The following MYCT1 variants were observed in gnomAD, a reference collection of about 807,000 sequenced individuals.
The protein encoded by MYCT1 is myc target protein 1.
A neutral mutation model predicts 15.0 loss-of-function variants in MYCT1; 12 were observed. The observed-to-expected ratio is 0.80, with a 90% confidence interval of 0.51 to 1.29. MYCT1 has a LOEUF of 1.29. Among genes scored for constraint, MYCT1 ranks in the 50% most tolerant of loss-of-function variants. The pLI is 0.00. For missense variants in MYCT1, 287 were observed against 279.1 expected (o/e 1.03, Z -0.20); for synonymous variants, 104 against 102.7 (o/e 1.01, Z -0.07).
intron 1 of MYCT1, among the ~76,000 whole-genome samples, chr6:152,718,755 G>A (rs960777427): frequency 3.3e-5 from 5 of 151,938 alleles, no homozygotes; most frequent in African/African-American, 1.2e-4. Context: ...CTTTCATTGA[G>A]TAACTGAATA....
At chr6:152,701,265 G>A (rs1053157918) in intron 1 of MYCT1, among the ~76,000 whole-genome samples, 4 of 152,244 alleles carry the variant, frequency 2.6e-5, no homozygotes, top group Middle Eastern at 3.4e-3. Flanking sequence ...AATGTGTTAG[G>A]AGTCAGTGAC....
At chr6:152,742,018 G>T in the MYCT1 span, among the ~76,000 whole-genome samples, 1 of 152,176 alleles carries the variant, frequency 6.6e-6, no homozygotes. Flanking sequence ...ACCAAATAGA[G>T]TTGAAATAAG....
rs190206255 is a variant in MYCT1 at position 152,700,591 on chromosome 6, G to T, written c.196+2493G>T. Among the ~76,000 whole-genome samples the T allele has an allele frequency of 7.7e-3, 1,165 of 152,250 alleles. 21 individuals are homozygous for T. Among genetic ancestry groups the T allele is most frequent in the Non-Finnish European group, 7.4e-3 (503 of 68,016 alleles). On this transcript the variant is annotated intron_variant, in intron 1 of 1. Transcript: ENST00000367245. ...TTGGCAACAAAGTTAGCCTGAAAGT[G>T]ACAACACAGATGCAGACTATCACCT...
the MYCT1 span, among the ~76,000 whole-genome samples, chr6:152,735,987 A>C: frequency 1.3e-5 from 2 of 152,068 alleles, no homozygotes; most frequent in African/African-American, 4.8e-5. Flanking sequence ...GGGGTTCTAA[A>C]CAAGATAACA....
At chr6:152,739,216 T>C in the MYCT1 span, among the ~76,000 whole-genome samples, 1 of 151,826 alleles carries the variant, frequency 6.6e-6, no homozygotes, top group Admixed American at 6.6e-5. Flanking sequence ...TTATTTTATA[T>C]TGATTGGAGA....
chr6:152,731,150 C>T, the MYCT1 span, among the ~76,000 whole-genome samples: 1 of 151,786 alleles, frequency 6.6e-6, no homozygotes, highest in African/African-American at 2.4e-5. Context: ...TAAATCTTGC[C>T]TAAAGTGAAG....
At chr6:152,706,847 A>ATGTGTGTGTGTGTG (rs4034690) in intron 1 of MYCT1, among the ~76,000 whole-genome samples, 2,630 of 148,270 alleles carry the variant, frequency 0.018, 60 homozygotes, top group African/African-American at 0.055. Context: ...GAAACCATAT[A>ATGTGTGTGTGTGTG]TGTGTGTGTG....
At chr6:152,721,702 A>T (rs2099724726) in intron 1 of MYCT1, 40 bp from the exon 2 acceptor site, 2 of 1,570,236 alleles carry the variant, frequency 1.3e-6, no homozygotes, top group Non-Finnish European at 1.7e-6. Context: ...TTGAAAACCT[A>T]TTTAAAAATT....
chr6:152,728,935 G>T (rs187337485), downstream of MYCT1, among the ~76,000 whole-genome samples: 88 of 152,152 alleles, frequency 5.8e-4, no homozygotes, highest in South Asian at 1.5e-3. Flanking sequence ...TAATTAAAAA[G>T]AATTCACAAA....
chr6:152,732,386 T>C, the MYCT1 span, among the ~76,000 whole-genome samples: 1 of 152,170 alleles, frequency 6.6e-6, no homozygotes, highest in African/African-American at 2.4e-5. Context: ...ATGATGAGAG[T>C]TGAATTTTCA....
At chr6:152,736,687 CA>C in the MYCT1 span, among the ~76,000 whole-genome samples, 2 of 152,054 alleles carry the variant, frequency 1.3e-5, no homozygotes, top group African/African-American at 4.8e-5. Context: ...ATTATTAATA[CA>C]CTTTTTTTTA....
At chr6:152,725,032 A>G (rs1347704069), downstream of MYCT1, among the ~76,000 whole-genome samples, 2 of 152,058 alleles carry the variant, frequency 1.3e-5, no homozygotes, top group Admixed American at 6.5e-5. Context: ...ATAAATGTTT[A>G]GCAAATCTAT....
At chr6:152,707,084 C>T (rs904470606) in intron 1 of MYCT1, among the ~76,000 whole-genome samples, 10 of 152,046 alleles carry the variant, frequency 6.6e-5, no homozygotes, top group Admixed American at 2.6e-4. Flanking sequence ...AACCTTCATA[C>T]TATTTTCCAC....
chr6:152,736,820 A>G, the MYCT1 span, among the ~76,000 whole-genome samples: 1 of 152,170 alleles, frequency 6.6e-6, no homozygotes, highest in Non-Finnish European at 1.5e-5. Context: ...TGTAAGAATC[A>G]GTCAACAAGG....
the MYCT1 span, among the ~76,000 whole-genome samples, chr6:152,737,002 G>A: frequency 6.6e-6 from 1 of 152,034 alleles, no homozygotes; most frequent in Non-Finnish European, 1.5e-5. Context: ...AAAACTTTGA[G>A]TTTTTATCAT....
the MYCT1 span, among the ~76,000 whole-genome samples, chr6:152,729,850 G>A: frequency 6.6e-6 from 1 of 152,186 alleles, no homozygotes; most frequent in Non-Finnish European, 1.5e-5. Flanking sequence ...TGGCAGACTT[G>A]GGTAGATCCA....
At chr6:152,741,854 A>T in the MYCT1 span, among the ~76,000 whole-genome samples, 2 of 152,196 alleles carry the variant, frequency 1.3e-5, no homozygotes, top group Non-Finnish European at 2.9e-5. Context: ...CATGGCTGAG[A>T]AATCTTTCAA....
intron 1 of MYCT1, among the ~76,000 whole-genome samples, chr6:152,702,605 A>T (rs1422310255): frequency 6.6e-6 from 1 of 152,148 alleles, no homozygotes; most frequent in African/African-American, 2.4e-5. Flanking sequence ...TATGGCCCTT[A>T]GGGACCACCC....
the MYCT1 span, among the ~76,000 whole-genome samples, chr6:152,746,702 T>C: frequency 6.6e-6 from 1 of 152,232 alleles, no homozygotes; most frequent in Non-Finnish European, 1.5e-5. Flanking sequence ...CTGTGATTTC[T>C]CTATACCCTT....
Sources: allele counts gnomAD v4.1 joint callset (sites outside exome capture counted in the v4.1 genomes callset), GRCh38; gene constraint gnomAD v4.1.1; transcripts MANE v1.5; gene names NCBI Gene and HGNC (gene_info 2026-07-23, HGNC 2026-07-21).